The following SCN9A variants were observed in gnomAD, a reference collection of about 807,000 sequenced individuals.
SCN9A encodes the protein sodium voltage-gated channel alpha subunit 9.
Under a neutral mutation model 187.0 loss-of-function variants are expected in SCN9A, and 131 were observed. The observed-to-expected ratio is 0.70, with a 90% confidence interval of 0.61 to 0.81. The LOEUF (loss-of-function observed/expected upper bound fraction) is 0.81, where lower values mean the gene tolerates loss of function less well. Among genes scored for constraint, SCN9A ranks in the 30% least tolerant of loss-of-function variants. The probability of loss-of-function intolerance (pLI) is 0.00; values close to 1 mark genes in which losing one functional copy is unlikely to be tolerated. For missense variants in SCN9A, 2,252 were observed against 2,396.6 expected (o/e 0.94, Z 1.26); for synonymous variants, 809 against 808.6 (o/e 1.00, Z -0.01).
intron 24 of SCN9A, among the ~76,000 whole-genome samples, chr2:166,211,061 C>CG (rs1694067536): frequency 3.1e-5 from 1 of 32,332 alleles, no homozygotes; most frequent in African/African-American, 1.9e-4. Context: ...AACTCTATCT[C>CG]GGAAAAAAAA....
rs1374946474 is a variant in SCN9A, at chr2:166,360,627, TTTCCTG to T, written c.-51+15064_-51+15069del. On this transcript the variant is annotated intron_variant, in intron 1 of 26. Transcript: ENST00000642356. ...GGCACCAGGCAGACTTAGGTTTGAA[TTTCCTG>T]TTTATTCCATATAATTAGCTCTGCA... is the stretch of plus-strand genomic sequence containing the variant. 5.8e-4 allele frequency among the ~76,000 whole-genome samples: 89 copies of T among 152,344 alleles called. 1 individual carries two copies. In the East Asian group the frequency reaches 0.014, roughly 24 times the overall value.
intron 17 of SCN9A, chr2:166,259,180 T>C (rs970557826): frequency 6.6e-6 from 1 of 151,650 alleles, no homozygotes; most frequent in Admixed American, 6.6e-5. Flanking sequence ...TGAAAAAATA[T>C]CGTATGTATG....
chr2:166,309,468 A>G (rs939134186), intron 2 of SCN9A, among the ~76,000 whole-genome samples: 1 of 152,204 alleles, frequency 6.6e-6, no homozygotes, highest in Non-Finnish European at 1.5e-5. Flanking sequence ...AATGTATACT[A>G]TGTTATACTA....
chr2:166,265,775 A>G (rs1696707456), intron 17 of SCN9A, among the ~76,000 whole-genome samples: 1 of 152,010 alleles, frequency 6.6e-6, no homozygotes, highest in Admixed American at 6.6e-5. Flanking sequence ...GTGAGGAGAT[A>G]CCTCAAGATA....
chr2:166,331,838 C>A (rs772039702), intron 1 of SCN9A, among the ~76,000 whole-genome samples: 2 of 152,134 alleles, frequency 1.3e-5, no homozygotes, highest in Non-Finnish European at 2.9e-5. Flanking sequence ...CTTTCCATCA[C>A]TACTTTAATA....
chr2:166,303,439 G>A (rs2106522818), intron 6 of SCN9A, 137 bp from the exon 7 acceptor site: 1 of 645,762 alleles, frequency 1.5e-6, no homozygotes. Flanking sequence ...AAGCCTTCTG[G>A]GTTTGCTATT....
chr2:166,238,027 G>T, intron 20 of SCN9A, 67 bp downstream of exon 20: 2 of 1,136,600 alleles, frequency 1.8e-6, no homozygotes, highest in African/African-American at 1.6e-5. Flanking sequence ...TGCAATAGTG[G>T]TGAAGGTTTT....
intron 1 of SCN9A, among the ~76,000 whole-genome samples, chr2:166,324,877 A>T (rs1699327205): frequency 6.6e-6 from 1 of 152,202 alleles, no homozygotes; most frequent in Non-Finnish European, 1.5e-5. Flanking sequence ...ATGATGGTTA[A>T]ATGTAATGTG....
In SCN9A at chr2:166,306,354, A is replaced by T. The variant is rs184561606; in HGVS notation, c.467+156T>A. ...AATTTTTCTAATCTAGCAGGTTAATATCATAGAGGAGGTAAAGAACAAAAG... is the reference window on the plus strand; with the variant it reads ...AATTTTTCTAATCTAGCAGGTTAATTTCATAGAGGAGGTAAAGAACAAAAG... On this transcript the variant is annotated intron_variant, in intron 4 of 26. Coordinates refer to ENST00000642356, the MANE Select transcript of SCN9A (RefSeq NM_001365536.1). Among the ~76,000 whole-genome samples, 91 of 152,294 alleles carry T rather than the reference A, an allele frequency of 6.0e-4. 2 individuals are homozygous for T. Among genetic ancestry groups the T allele is most frequent in the Middle Eastern group, 6.8e-3 (2 of 294 alleles).
chr2:166,340,460 CACA>C (rs1464033039), intron 1 of SCN9A, among the ~76,000 whole-genome samples: 3 of 151,958 alleles, frequency 2.0e-5, no homozygotes, highest in Non-Finnish European at 4.4e-5. Context: ...CTAATCATAT[CACA>C]ACGTTTTCTT....
At chr2:166,319,776 G>A (rs75709114) in intron 1 of SCN9A, among the ~76,000 whole-genome samples, 6,596 of 152,110 alleles carry the variant, frequency 0.043, 320 homozygotes, top group African/African-American at 0.12. Flanking sequence ...AATATTATCA[G>A]TGTAAAAGTA....
intron 22 of SCN9A, among the ~76,000 whole-genome samples, chr2:166,228,319 C>G (rs953294002): frequency 1.4e-5 from 2 of 140,148 alleles, no homozygotes; most frequent in East Asian, 4.5e-4. Context: ...TGCAGTGGCA[C>G]GATCTTGGCC....
At chr2:166,286,262 T>C in intron 11 of SCN9A, 74 bp downstream of exon 11, 2 of 1,432,252 alleles carry the variant, frequency 1.4e-6, no homozygotes, top group South Asian at 2.8e-5. Context: ...TCCCGAGTTC[T>C]CTTACCCTAA....
At chr2:166,340,265 A>G in intron 1 of SCN9A, among the ~76,000 whole-genome samples, 1 of 152,194 alleles carries the variant, frequency 6.6e-6, no homozygotes, top group East Asian at 1.9e-4. Flanking sequence ...CTTTCAAAAC[A>G]TGCCATTTTA....
intron 1 of SCN9A, among the ~76,000 whole-genome samples, chr2:166,344,758 A>G (rs757542280): frequency 1.3e-5 from 2 of 152,308 alleles, no homozygotes; most frequent in East Asian, 1.9e-4. Context: ...GAAAGAAAAA[A>G]CAATCAAGAT....
intron 24 of SCN9A, among the ~76,000 whole-genome samples, chr2:166,224,085 A>T (rs1694743288): frequency 6.6e-6 from 1 of 152,136 alleles, no homozygotes; most frequent in Non-Finnish European, 1.5e-5. Flanking sequence ...GAAATGTTGT[A>T]AGAATAACAT....
Position 166,197,664 on chromosome 2 carries a change from C to T in SCN9A, c.*1008G>A, listed in dbSNP as rs1171754733. Reference sequence around the variant, plus strand: ...TATCTGCTCAAGTATGTACCGTGGTCAAACAACTAACTGCATATCAGGAAG... The same window carrying T: ...TATCTGCTCAAGTATGTACCGTGGTTAAACAACTAACTGCATATCAGGAAG... On this transcript the variant is annotated 3_prime_UTR_variant, in exon 27 of 27. Coordinates refer to ENST00000642356, the MANE Select transcript of SCN9A (RefSeq NM_001365536.1). 2.0e-5 allele frequency: 3 copies of T among 152,076 alleles called. No individual in the cohort carries two copies. The East Asian group carries it at 5.8e-4, about 29-fold the overall frequency. The allele number at this position is 152,076 out of a possible 1,614,324, so 9.4% of individuals were successfully genotyped here.
intron 7 of SCN9A, chr2:166,300,895 ATTATTAAT>A (rs1698525826): frequency 6.6e-6 from 1 of 150,454 alleles, no homozygotes; most frequent in Non-Finnish European, 1.5e-5. Flanking sequence ...CTCTATTATT[ATTATTAAT>A]TTATTAATTT....
intron 11 of SCN9A, among the ~76,000 whole-genome samples, chr2:166,286,037 A>G (rs903277743): frequency 1.3e-5 from 2 of 152,198 alleles, no homozygotes; most frequent in Non-Finnish European, 2.9e-5. Flanking sequence ...AAGTTATTCT[A>G]TAGTGTGAAT....
Sources: gnomAD v4.1 joint callset for allele counts (sites outside exome capture counted in the v4.1 genomes callset) on GRCh38, gnomAD v4.1.1 for gene constraint, MANE v1.5 for transcripts, NCBI Gene and HGNC (gene_info 2026-07-23, HGNC 2026-07-21) for gene names.